CMIP: variants seen among roughly 807,000 people sequenced by gnomAD.
CMIP encodes c-Maf inducing protein.
A neutral mutation model predicts 97.3 loss-of-function variants in CMIP; 13 were observed. That is an observed-to-expected ratio of 0.13 (90% CI 0.09 to 0.21). The LOEUF is 0.21. Ranked by LOEUF, CMIP falls within the 10% of genes least tolerant of loss-of-function variation. The pLI, the probability that CMIP is intolerant of heterozygous loss-of-function variation, is 1.00. For synonymous variants in CMIP, 538 were observed against 436.3 expected (o/e 1.23, Z -2.91); for missense variants, 847 against 1,024.9 (o/e 0.83, Z 2.37).
intron 13 of CMIP, among the ~76,000 whole-genome samples, chr16:81,694,670 C>T (rs1400885214): frequency 1.3e-5 from 2 of 152,192 alleles, no homozygotes; most frequent in African/African-American, 4.8e-5. Context: ...GCATCCCTTC[C>T]CGGTTCCAGC....
At chr16:81,562,022 A>G (rs2090893233) in intron 1 of CMIP, among the ~76,000 whole-genome samples, 1 of 152,224 alleles carries the variant, frequency 6.6e-6, no homozygotes, top group Non-Finnish European at 1.5e-5. Context: ...GGTCGGACTC[A>G]GGATCTATCT....
intron 1 of CMIP, among the ~76,000 whole-genome samples, chr16:81,483,245 A>G (rs56728851): frequency 6.6e-6 from 1 of 152,304 alleles, no homozygotes; most frequent in African/African-American, 2.4e-5. Context: ...GTGCATGTGC[A>G]AAGGCCATGG....
intron 7 of CMIP, among the ~76,000 whole-genome samples, chr16:81,667,799 A>AGTGTGTGTGTGTGT (rs71146027): frequency 6.0e-4 from 35 of 58,122 alleles, no homozygotes; most frequent in Admixed American, 2.7e-3. Flanking sequence ...AGAGAGAGAG[A>AGTGTGTGTGTGTGT]GTGTGTGTGT....
intron 1 of CMIP, among the ~76,000 whole-genome samples, chr16:81,549,429 A>G (rs1348506677): frequency 6.6e-6 from 1 of 152,174 alleles, no homozygotes; most frequent in Non-Finnish European, 1.5e-5. Context: ...GCCGTTGGGA[A>G]ATTCTCCTTG....
At chr16:81,451,724 C>T (rs1185839039) in intron 1 of CMIP, among the ~76,000 whole-genome samples, 1 of 152,134 alleles carries the variant, frequency 6.6e-6, no homozygotes, top group African/African-American at 2.4e-5. Flanking sequence ...GACCAGGGGG[C>T]TCTGACAAGG....
intron 20 of CMIP, among the ~76,000 whole-genome samples, chr16:81,708,843 G>C (rs183174299): frequency 6.6e-6 from 1 of 152,368 alleles, no homozygotes; most frequent in East Asian, 1.9e-4. Flanking sequence ...AGCCATTGAG[G>C]GTTGTTGAGC....
intron 10 of CMIP, among the ~76,000 whole-genome samples, chr16:81,687,742 C>A (rs1233137443): frequency 6.6e-6 from 1 of 152,204 alleles, no homozygotes; most frequent in Admixed American, 6.5e-5. Context: ...CCGGCGAGTT[C>A]TCTGGACGCT....
Position 81,623,065 on chromosome 16 carries a change from G to A in CMIP, c.477+2139G>A, listed in dbSNP as rs992389501. On this transcript the variant is annotated intron_variant, in intron 3 of 20. Coordinates refer to ENST00000537098, the MANE Select transcript of CMIP (RefSeq NM_198390.3). The stretch of plus-strand genomic sequence containing the variant: ...CAAAAATACAAAAAATTAGCCGGGC[G>A]TAGTGGTGCGCCCATGTGGTCCCAG... 5.3e-5 allele frequency among the ~76,000 whole-genome samples: 8 copies of A among 152,304 alleles called. 2 individuals are homozygous for A. The highest frequency in any genetic ancestry group is 5.2e-4 in the Admixed American group (8 of 15,298).
intron 1 of CMIP, among the ~76,000 whole-genome samples, chr16:81,598,968 C>CAAAAAAAAAA (rs141717317): frequency 2.6e-4 from 13 of 49,844 alleles, no homozygotes; most frequent in African/African-American, 8.0e-4. Context: ...GACTCTGTCT[C>CAAAAAAAAAA]AAAAAAAAAA....
chr16:81,559,669 C>A (rs2911279), intron 1 of CMIP, among the ~76,000 whole-genome samples: 1 of 152,002 alleles, frequency 6.6e-6, no homozygotes, highest in Non-Finnish European at 1.5e-5. Context: ...CACTGCCAGT[C>A]GTGCAAAAGC....
chr16:81,503,225 G>A (rs1464780936), intron 1 of CMIP, among the ~76,000 whole-genome samples: 1 of 152,158 alleles, frequency 6.6e-6, no homozygotes, highest in Admixed American at 6.5e-5. Flanking sequence ...GGGATACATG[G>A]TTACCCTGCT....
intron 18 of CMIP, 106 bp downstream of exon 18, chr16:81,704,191 T>G: frequency 1.4e-6 from 1 of 716,658 alleles, no homozygotes; most frequent in Non-Finnish European, 2.1e-6. Context: ...GCCTCCTCCC[T>G]GCCCCCTCCC....
intron 11 of CMIP, 78 bp from the exon 12 acceptor site, chr16:81,693,080 C>T: frequency 2.9e-6 from 3 of 1,052,112 alleles, no homozygotes; most frequent in Admixed American, 1.8e-5. Flanking sequence ...TAGACGTCCC[C>T]AGAGGTTAAT....
At chr16:81,543,424 C>T (rs1358026176) in intron 1 of CMIP, among the ~76,000 whole-genome samples, 1 of 152,126 alleles carries the variant, frequency 6.6e-6, no homozygotes, top group Non-Finnish European at 1.5e-5. Flanking sequence ...GGCTAGTGTC[C>T]CCACATTGAA....
rs190698075 is a variant in CMIP at position 81,641,278 on chromosome 16, G to A, written c.478-10925G>A. ...CAGTGCCATTTTCATTCTCCCCACT[G>A]CCTGTTCTACCTGCAACAAACACCG... On this transcript the variant is annotated intron_variant, in intron 3 of 20. Coordinates refer to ENST00000537098, the MANE Select transcript of CMIP (RefSeq NM_198390.3). Among the ~76,000 whole-genome samples, 458 of 152,146 alleles carry A rather than the reference G, an allele frequency of 3.0e-3. 1 individual carries two copies. Among genetic ancestry groups the A allele is most frequent in the African/African-American group, 9.3e-3 (384 of 41,498 alleles).
chr16:81,645,061 C>A (rs1194796155), intron 3 of CMIP, among the ~76,000 whole-genome samples: 1 of 152,374 alleles, frequency 6.6e-6, no homozygotes, highest in African/African-American at 2.4e-5. Context: ...ACTATAGTCA[C>A]CACTAGACAC....
intron 1 of CMIP, among the ~76,000 whole-genome samples, chr16:81,570,913 G>A (rs972960485): frequency 2.0e-5 from 3 of 152,052 alleles, no homozygotes; most frequent in Admixed American, 6.6e-5. Context: ...AGGAGCCTGC[G>A]GACACGTGAT....
Position 81,652,953 on chromosome 16 carries a change from G to A in CMIP, c.639+589G>A, listed in dbSNP as rs1240994517. 2.0e-5 allele frequency among the ~76,000 whole-genome samples: 3 copies of A among 152,138 alleles called. No homozygotes were observed. Among genetic ancestry groups the A allele is most frequent in the African/African-American group, 7.2e-5 (3 of 41,424 alleles). On this transcript the variant is annotated intron_variant, in intron 4 of 20. Transcript: ENST00000537098. This position sits in a 1 kb window ranked among gnomAD's most constrained non-coding sequence, Gnocchi z 5.2. ...GGCACCATCTGGGAATTCAAGCAAAGACAAGCCCCCTACCCCCCTGGAGCT... is the reference window on the plus strand; with the variant it reads ...GGCACCATCTGGGAATTCAAGCAAAAACAAGCCCCCTACCCCCCTGGAGCT...
chr16:81,494,285 C>T (rs1027968933), intron 1 of CMIP, among the ~76,000 whole-genome samples: 2 of 152,184 alleles, frequency 1.3e-5, no homozygotes, highest in Non-Finnish European at 2.9e-5. Context: ...GCTGGAGGGA[C>T]GCAGGGCAGA....
Sources: allele counts gnomAD v4.1 joint callset (sites outside exome capture counted in the v4.1 genomes callset), GRCh38; gene constraint gnomAD v4.1.1; non-coding constraint Gnocchi (gnomAD v3.1); transcripts MANE v1.5; gene names NCBI Gene and HGNC (gene_info 2026-07-23, HGNC 2026-07-21).